Variants in CHCHD6 observed in about 807,000 individuals in gnomAD.
The protein encoded by CHCHD6 is MICOS complex subunit MIC25.
CHCHD6 carries 28 observed loss-of-function variants against 32.3 expected under a neutral mutation model. The observed-to-expected ratio is 0.87, with a 90% CI of 0.64 to 1.19. The LOEUF (loss-of-function observed/expected upper bound fraction) is 1.19. Ranked by LOEUF, CHCHD6 falls within the 50% of genes most tolerant of loss-of-function variation. The pLI, the probability that CHCHD6 is intolerant of heterozygous loss-of-function variation, is 0.00. For missense variants in CHCHD6, 333 were observed against 307.0 expected (o/e 1.08, Z -0.63); for synonymous variants, 122 against 117.5 (o/e 1.04, Z -0.25).
intron 5 of CHCHD6, among the ~76,000 whole-genome samples, chr3:126,876,221 A>T (rs1022988238): frequency 6.6e-6 from 1 of 152,240 alleles, no homozygotes; most frequent in Admixed American, 6.5e-5. Flanking sequence ...CTTTCTAATC[A>T]CATATTCAGG....
chr3:126,707,691 C>T (rs572035328), intron 1 of CHCHD6, among the ~76,000 whole-genome samples: 1 of 152,344 alleles, frequency 6.6e-6, no homozygotes, highest in African/African-American at 2.4e-5. Flanking sequence ...ATTATCCCCT[C>T]CAGGCTTGAT....
chr3:126,893,760 CA>C (rs1201430389), intron 5 of CHCHD6, among the ~76,000 whole-genome samples: 1 of 152,216 alleles, frequency 6.6e-6, no homozygotes. Flanking sequence ...AGTGCAGATG[CA>C]TTGACTATCC....
intron 5 of CHCHD6, among the ~76,000 whole-genome samples, chr3:126,868,472 G>A (rs1465073004): frequency 2.6e-5 from 4 of 151,590 alleles, no homozygotes; most frequent in Non-Finnish European, 4.4e-5. Context: ...GCTTATACTC[G>A]TCTTAAGTAA....
At chr3:126,915,498 C>T (rs1381207692) in intron 6 of CHCHD6, among the ~76,000 whole-genome samples, 5 of 152,134 alleles carry the variant, frequency 3.3e-5, no homozygotes, top group South Asian at 4.1e-4. Context: ...TCTCTATGGA[C>T]CTGAGAGACC....
intron 4 of CHCHD6, among the ~76,000 whole-genome samples, chr3:126,820,958 C>T (rs1053696952): frequency 2.6e-5 from 4 of 152,176 alleles, no homozygotes; most frequent in Admixed American, 6.5e-5. Context: ...AACCCCATGC[C>T]CATCAGCAGT....
At chr3:126,794,207 T>C (rs1431073929) in intron 4 of CHCHD6, among the ~76,000 whole-genome samples, 2 of 151,756 alleles carry the variant, frequency 1.3e-5, no homozygotes, top group Non-Finnish European at 2.9e-5. Flanking sequence ...TCTCCTTTCC[T>C]CTAGGACTGT....
At chr3:126,911,706 T>G (rs1394316894) in intron 5 of CHCHD6, among the ~76,000 whole-genome samples, 1 of 152,214 alleles carries the variant, frequency 6.6e-6, no homozygotes, top group Non-Finnish European at 1.5e-5. Flanking sequence ...GAGCTTGCAA[T>G]CAAACCCAAG....
At chr3:126,822,345 G>A (rs1210467790) in intron 4 of CHCHD6, among the ~76,000 whole-genome samples, 1 of 152,100 alleles carries the variant, frequency 6.6e-6, no homozygotes, top group Non-Finnish European at 1.5e-5. Context: ...GTGTGGAATT[G>A]GCACCTTTGT....
intron 5 of CHCHD6, among the ~76,000 whole-genome samples, chr3:126,891,199 C>T (rs1033435120): frequency 2.0e-5 from 3 of 152,124 alleles, no homozygotes; most frequent in Non-Finnish European, 2.9e-5. Flanking sequence ...TATACCATGT[C>T]GGAAAGGCCT....
intron 4 of CHCHD6, 64 bp from the exon 5 acceptor site, chr3:126,852,583 C>A: frequency 2.5e-6 from 3 of 1,210,418 alleles, no homozygotes; most frequent in South Asian, 1.2e-5. Context: ...GTCGCCTTCT[C>A]CCTGCAGCAC....
chr3:126,809,216 C>T (rs749913392), intron 4 of CHCHD6, among the ~76,000 whole-genome samples: 46 of 152,254 alleles, frequency 3.0e-4, no homozygotes, highest in Admixed American at 2.0e-3. Flanking sequence ...TCAAGTGATC[C>T]GCCCACCTTG....
chr3:126,863,536 T>C (rs1015530682), intron 5 of CHCHD6, among the ~76,000 whole-genome samples: 1,217 of 107,034 alleles, frequency 0.011, no homozygotes, highest in African/African-American at 0.021. Context: ...CACCACCTCC[T>C]CCTCCTCCAC....
chr3:126,899,379 A>G (rs1391978920), intron 5 of CHCHD6, among the ~76,000 whole-genome samples: 1 of 152,162 alleles, frequency 6.6e-6, no homozygotes. Flanking sequence ...GAATGTGTTG[A>G]ATGATGGTCA....
intron 4 of CHCHD6, among the ~76,000 whole-genome samples, chr3:126,757,816 G>T (rs1405849516): frequency 6.6e-6 from 1 of 152,186 alleles, no homozygotes; most frequent in Non-Finnish European, 1.5e-5. Context: ...GCTGCCGACA[G>T]GGGTATCTTT....
At chr3:126,752,127 T>C (rs1936751801) in intron 4 of CHCHD6, among the ~76,000 whole-genome samples, 1 of 152,180 alleles carries the variant, frequency 6.6e-6, no homozygotes, top group East Asian at 1.9e-4. Context: ...TATCCTGTGC[T>C]TCACTGGGGA....
chr3:126,912,187 G>A (rs569032471), intron 5 of CHCHD6, among the ~76,000 whole-genome samples: 3 of 152,320 alleles, frequency 2.0e-5, no homozygotes, highest in African/African-American at 7.2e-5. Context: ...CAAAATGTGG[G>A]TCTGTGGTCC....
chr3:126,793,161 T>C (rs1170419200), intron 4 of CHCHD6, among the ~76,000 whole-genome samples: 1 of 152,132 alleles, frequency 6.6e-6, no homozygotes, highest in East Asian at 1.9e-4. Flanking sequence ...TTTTAAAAAG[T>C]CCATTATAGC....
intron 4 of CHCHD6, among the ~76,000 whole-genome samples, chr3:126,772,250 C>T (rs547386483): frequency 2.4e-4 from 36 of 152,146 alleles, no homozygotes; most frequent in African/African-American, 8.0e-4. Context: ...TACAGGTGCC[C>T]GCAACCACGC....
chr3:126,925,476 G>A (rs2078309154), intron 6 of CHCHD6, among the ~76,000 whole-genome samples: 1 of 152,222 alleles, frequency 6.6e-6, no homozygotes, highest in Non-Finnish European at 1.5e-5. Context: ...AAGGGAAGTT[G>A]TACAGCGCTC....
Sources: allele counts gnomAD v4.1 joint callset (sites outside exome capture counted in the v4.1 genomes callset), GRCh38; gene constraint gnomAD v4.1.1; transcripts MANE v1.5; gene names NCBI Gene and HGNC (gene_info 2026-07-23, HGNC 2026-07-21).